HLCS: variants seen among roughly 807,000 people sequenced by gnomAD.
HLCS encodes the protein holocarboxylase synthetase.
In HLCS, 53 loss-of-function variants were observed where a neutral mutation model predicts 75.0. That is an observed-to-expected ratio of 0.71 (90% CI 0.57 to 0.89). The LOEUF (loss-of-function observed/expected upper bound fraction) is 0.89. Ranked by LOEUF, HLCS falls within the 40% of genes least tolerant of loss-of-function variation. The pLI is 0.00. For synonymous variants in HLCS, 431 were observed against 428.6 expected (o/e 1.01, Z -0.07); for missense variants, 966 against 1,074.0 (o/e 0.90, Z 1.41).
rs145567537 is a variant in HLCS at position 36,875,277 on chromosome 21, T to G, written c.1892+21583A>C. On this transcript the variant is annotated intron_variant, in intron 6 of 10. Coordinates refer to ENST00000674895, the MANE Select transcript of HLCS (RefSeq NM_001352514.2). ...TGGGCTCCAGGCTGCCAGTTCCAGG[T>G]GAGGTCCACGGCCTGGAGTGAGAAT... 2.0e-5 allele frequency among the ~76,000 whole-genome samples: 3 copies of G among 152,086 alleles called. No individual in the cohort carries two copies. In the South Asian group the frequency reaches 6.2e-4, roughly 31 times the overall value.
chr21:36,772,565 G>C, intron 6 of HLCS, among the ~76,000 whole-genome samples: 1 of 151,062 alleles, frequency 6.6e-6, no homozygotes, highest in Non-Finnish European at 1.5e-5. Flanking sequence ...CTTGAGGCAG[G>C]GAGTTCAAGG....
At chr21:36,906,625 T>G (rs1408279732) in intron 5 of HLCS, among the ~76,000 whole-genome samples, 3 of 150,854 alleles carry the variant, frequency 2.0e-5, no homozygotes, top group Non-Finnish European at 4.4e-5. Context: ...AGATGTCAAT[T>G]CTTCAAATTA....
chr21:36,786,043 C>T (rs1187276197), intron 6 of HLCS, among the ~76,000 whole-genome samples: 1 of 152,116 alleles, frequency 6.6e-6, no homozygotes, highest in African/African-American at 2.4e-5. Flanking sequence ...GTATCCTCAA[C>T]CCTGTTTCAA....
At position 36,754,304 on chromosome 21, in the gene HLCS, T is replaced by G. The variant is rs758074977; in HGVS notation, c.2564A>C (p.His855Pro). The G allele has an allele frequency of 1.2e-6, 2 of 1,613,880 alleles. No individual in the cohort carries two copies. Among genetic ancestry groups the G allele is most frequent in the Non-Finnish European group, 1.7e-6 (2 of 1,179,962 alleles). ...CATGTCGAAGGAGTTGCCGTCCGGG[T>G]GCACAGTCACAACCTCGCCGCCCTC... is the stretch of plus-strand genomic sequence containing the variant. ...HQEGGEVVTV[H>P]PDGNSFDMLR... Residue 855 changes from histidine to proline, a missense_variant, in exon 11 of 11, where the codon CAC (histidine) becomes CCC (proline). Transcript: ENST00000674895.
intron 6 of HLCS, among the ~76,000 whole-genome samples, chr21:36,892,834 C>G (rs1014125848): frequency 3.3e-5 from 5 of 152,108 alleles, no homozygotes; most frequent in Non-Finnish European, 5.9e-5. Flanking sequence ...CTACTTCAGC[C>G]CATTAGGAAA....
At chr21:36,989,884 C>G (rs985343348) in intron 1 of HLCS, among the ~76,000 whole-genome samples, 7 of 152,076 alleles carry the variant, frequency 4.6e-5, no homozygotes, top group African/African-American at 1.4e-4. Context: ...CGGGCCGAGC[C>G]AGCCCGGGTC....
chr21:36,897,177 A>G, intron 5 of HLCS, 46 bp from the exon 6 acceptor site: 1 of 1,606,444 alleles, frequency 6.2e-7, no homozygotes, highest in Non-Finnish European at 8.5e-7. Flanking sequence ...TTGGCATTAC[A>G]TTAGATCATG....
chr21:36,978,753 G>A (rs561386299), intron 1 of HLCS, among the ~76,000 whole-genome samples: 3 of 152,282 alleles, frequency 2.0e-5, no homozygotes, highest in East Asian at 1.9e-4. Context: ...GGGAATGTAC[G>A]TGTCACCGAG....
intron 5 of HLCS, among the ~76,000 whole-genome samples, chr21:36,913,117 T>C (rs1246148665): frequency 6.6e-6 from 1 of 152,008 alleles, no homozygotes; most frequent in Non-Finnish European, 1.5e-5. Flanking sequence ...ATTAGCACCG[T>C]CCACAGCAGA....
chr21:36,950,364 G>A (rs1291493054), intron 2 of HLCS, among the ~76,000 whole-genome samples: 1 of 152,012 alleles, frequency 6.6e-6, no homozygotes, highest in Non-Finnish European at 1.5e-5. Flanking sequence ...TGTAAGACAC[G>A]CTCAAGACAG....
In HLCS at chr21:36,889,960, G is replaced by A. The variant is rs116689307; in HGVS notation, c.1892+6900C>T. Reference sequence around the variant, plus strand: ...ATCCCCATAATCCCCAGGTGCCAAGGGAGAGACTGGGTGGAGGTAATCGGA... The same window carrying A: ...ATCCCCATAATCCCCAGGTGCCAAGAGAGAGACTGGGTGGAGGTAATCGGA... On this transcript the variant is annotated intron_variant, in intron 6 of 10. Coordinates refer to ENST00000674895, the MANE Select transcript of HLCS (RefSeq NM_001352514.2). 6.6e-3 allele frequency among the ~76,000 whole-genome samples: 1,000 copies of A among 152,284 alleles called. 14 individuals are homozygous for A. Among genetic ancestry groups the A allele is most frequent in the African/African-American group, 0.022 (931 of 41,536 alleles).
intron 5 of HLCS, among the ~76,000 whole-genome samples, chr21:36,919,955 C>T (rs1483279492): frequency 2.6e-5 from 4 of 152,142 alleles, no homozygotes; most frequent in Non-Finnish European, 4.4e-5. Flanking sequence ...AGCATAAATA[C>T]TGCAGAGAGT....
intron 6 of HLCS, among the ~76,000 whole-genome samples, chr21:36,816,055 G>C (rs2145980381): frequency 6.6e-6 from 1 of 152,136 alleles, no homozygotes; most frequent in Admixed American, 6.5e-5. Flanking sequence ...TTAACTCAGG[G>C]GACTCTAAAG....
At chr21:36,972,029 G>A (rs764341594) in intron 1 of HLCS, 4 of 152,068 alleles carry the variant, frequency 2.6e-5, no homozygotes, top group Non-Finnish European at 4.4e-5. Flanking sequence ...GACCCAAGAG[G>A]GCATCAATAC....
intron 10 of HLCS, among the ~76,000 whole-genome samples, chr21:36,755,813 G>A (rs1467562086): frequency 6.6e-6 from 1 of 152,204 alleles, no homozygotes; most frequent in Non-Finnish European, 1.5e-5. Flanking sequence ...TATGACACAG[G>A]GTGCTGGGCC....
intron 6 of HLCS, among the ~76,000 whole-genome samples, chr21:36,846,972 A>C (rs2062820253): frequency 1.3e-5 from 2 of 152,124 alleles, no homozygotes; most frequent in Admixed American, 1.3e-4. Flanking sequence ...AGCTCTCACA[A>C]TTTTTGTAGC....
intron 2 of HLCS, among the ~76,000 whole-genome samples, chr21:36,958,839 A>G (rs2068116837): frequency 6.6e-6 from 1 of 152,240 alleles, no homozygotes; most frequent in Non-Finnish European, 1.5e-5. Flanking sequence ...TGATATTCCT[A>G]TCACTTTAGG....
At chr21:36,774,486 G>A (rs1313834234) in intron 6 of HLCS, among the ~76,000 whole-genome samples, 1 of 152,196 alleles carries the variant, frequency 6.6e-6, no homozygotes, top group African/African-American at 2.4e-5. Flanking sequence ...AGTGGTCCCT[G>A]TCATGTCGAT....
chr21:36,781,375 A>G (rs2060528633), intron 6 of HLCS, among the ~76,000 whole-genome samples: 1 of 152,146 alleles, frequency 6.6e-6, no homozygotes, highest in Non-Finnish European at 1.5e-5. Flanking sequence ...ACCTATGAGC[A>G]AAGGATGACT....
Sources: gnomAD v4.1 joint callset for allele counts (sites outside exome capture counted in the v4.1 genomes callset) on GRCh38, gnomAD v4.1.1 for gene constraint, MANE v1.5 for transcripts, NCBI Gene and HGNC (gene_info 2026-07-23, HGNC 2026-07-21) for gene names.